Variants in PSG5 observed in about 807,000 individuals in gnomAD.
PSG5 encodes pregnancy specific beta-1-glycoprotein 5.
In PSG5, 53 loss-of-function variants were observed where a neutral mutation model predicts 37.7. The observed-to-expected ratio is 1.41, with a 90% confidence interval of 1.13 to 1.77. PSG5 has a LOEUF of 1.77. Ranked by LOEUF, PSG5 falls within the 40% of genes most tolerant of loss-of-function variation. The probability of loss-of-function intolerance (pLI) is 0.00; values close to 1 mark genes in which losing one functional copy is unlikely to be tolerated. For missense variants in PSG5, 547 were observed against 405.2 expected (o/e 1.35, Z -3.00); for synonymous variants, 221 against 155.4 (o/e 1.42, Z -3.14).
chr19:43,171,088 A>G (rs948253710), intron 4 of PSG5: 13 of 151,440 alleles, frequency 8.6e-5, no homozygotes, highest in African/African-American at 3.2e-4. Context: ...CCACACAATA[A>G]CCCTGTCAGG....
chr19:43,181,763 G>T (rs1279506537), intron 2 of PSG5, among the ~76,000 whole-genome samples: 1 of 151,752 alleles, frequency 6.6e-6, no homozygotes, highest in African/African-American at 2.4e-5. Flanking sequence ...ATCTCTGAGG[G>T]ATTTTAATGA....
At chr19:43,185,242 A>G (rs1420057054) in intron 1 of PSG5, 95 bp from the exon 2 acceptor site, 47 of 1,406,144 alleles carry the variant, frequency 3.3e-5, no homozygotes, top group Non-Finnish European at 4.1e-5. Flanking sequence ...TTCAATCCTC[A>G]GCCTTGAAGA....
At chr19:43,186,287 A>G in intron 1 of PSG5, 55 bp downstream of exon 1, 1 of 1,609,392 alleles carries the variant, frequency 6.2e-7, no homozygotes, top group Non-Finnish European at 8.5e-7. Context: ...CAGGAGACCC[A>G]ATCCAGTCAC....
chr19:43,183,519 A>G (rs528743194), intron 2 of PSG5: 51 of 522,144 alleles, frequency 9.8e-5, no homozygotes, highest in East Asian at 7.8e-4. Context: ...CTTTCATGAC[A>G]GTGACATGGG....
Position 43,175,877 on chromosome 19 carries a change from A to G in PSG5, c.702T>C (p.Asn234=). 1.9e-6 allele frequency: 3 copies of G among 1,612,544 alleles called. No individual in the cohort carries two copies. ...GGAACAAAAGATACTCACAGAGGAC[A>G]TTCAGGGTGACTGGGTCACTGCGCA... ...GGMRSDPVTL[N]VLYGPDLPSI... The change falls in exon 3 of 6, where the codon AAT becomes AAC. Residue 234 remains asparagine, a synonymous_variant. Transcript: ENST00000342951.
intron 4 of PSG5, among the ~76,000 whole-genome samples, chr19:43,171,901 G>T (rs754409510): frequency 4.7e-5 from 7 of 150,200 alleles, no homozygotes; most frequent in Admixed American, 2.7e-4. Flanking sequence ...GAGCCCAGGA[G>T]GTTAAGGCTG....
In PSG5 at chr19:43,186,511, C is replaced by A; in HGVS notation, c.-106G>T. The A allele has an allele frequency of 1.3e-6, 2 of 1,545,698 alleles. No homozygotes were observed. Among genetic ancestry groups the A allele is most frequent in the South Asian group, 1.2e-5 (1 of 82,832 alleles). On this transcript the variant is annotated 5_prime_UTR_variant, in exon 1 of 6. In the 5' UTR this introduces an upstream ATG that the reference lacks. Coordinates refer to ENST00000342951, the MANE Select transcript of PSG5 (RefSeq NM_002781.4). The stretch of plus-strand genomic sequence containing the variant: ...TGTCCTTCCTCCTTCTGTGCTGAGC[C>A]TCTCTCCAGGGCAGGAGCACTTCTC...
chr19:43,175,141 T>C, intron 4 of PSG5, 74 bp downstream of exon 4: 1 of 1,610,170 alleles, frequency 6.2e-7, no homozygotes. Flanking sequence ...TAAAAATGTT[T>C]TCCTAACTCT....
rs762496938 is a variant in PSG5, at chr19:43,170,120, C to T, written c.983G>A (p.Arg328His). 7.7e-5 allele frequency: 122 copies of T among 1,587,894 alleles called. 6 individuals are homozygous for T. In the South Asian group the frequency reaches 1.3e-3, roughly 16 times the overall value. The part of the protein sequence containing the change: ...VEVSAPSGIG[R>H]LPLLNPI ...CTATATTGGATTAAGGAGAGGAAGA[C>T]GTCCTATTCCTGAAGGAGCTGTCAT... The change falls in exon 5 of 6, where the codon CGT becomes CAT. Residue 328 changes from arginine (R) to histidine (H), a missense_variant. Coordinates refer to ENST00000342951, the MANE Select transcript of PSG5 (RefSeq NM_002781.4).
Position 43,175,956 on chromosome 19 carries a change from G to A in PSG5, c.623C>T (p.Thr208Met), listed in dbSNP as rs143191769. Reference protein sequence around the residue: ...ENRILILPSVTRNETGPYECE... With the variant: ...ENRILILPSVMRNETGPYECE... ...TTCATAGGGTCCTGTTTCATTTCTC[G>A]TGACACTGGGTAGAATGAGGATCCT... Residue 208 changes from threonine to methionine, a missense_variant, in exon 3 of 6, where the codon ACG (threonine) becomes ATG (methionine). Thr to Met is a moderately conservative substitution (Grantham distance 81). Coordinates refer to ENST00000342951, the MANE Select transcript of PSG5 (RefSeq NM_002781.4). 3,596 of 1,612,142 alleles carry A rather than the reference G, an allele frequency of 2.2e-3. 174 individuals carry two copies. The African/African-American group carries it at 0.042, about 19-fold the overall frequency.
chr19:43,185,273 C>T, intron 1 of PSG5, 126 bp from the exon 2 acceptor site: 1 of 1,272,246 alleles, frequency 7.9e-7, no homozygotes, highest in Non-Finnish European at 1.1e-6. Context: ...CACAAACACA[C>T]ACACACACAA....
chr19:43,179,870 C>T (rs1969091266), intron 2 of PSG5, among the ~76,000 whole-genome samples: 1 of 150,694 alleles, frequency 6.6e-6, no homozygotes, highest in Admixed American at 6.6e-5. Context: ...TGGACCAAGA[C>T]CATTGTTCCC....
At chr19:43,176,951 A>C (rs1205894812) in intron 2 of PSG5, among the ~76,000 whole-genome samples, 3 of 151,644 alleles carry the variant, frequency 2.0e-5, no homozygotes, top group African/African-American at 7.3e-5. Flanking sequence ...CCAGAAATAC[A>C]TGTGGATGTT....
chr19:43,177,172 G>T (rs1011671569), intron 2 of PSG5, among the ~76,000 whole-genome samples: 1 of 151,602 alleles, frequency 6.6e-6, no homozygotes, highest in Non-Finnish European at 1.5e-5. Flanking sequence ...TATGAGAAGA[G>T]ACTGCTGTTT....
intron 4 of PSG5, chr19:43,170,519 G>A: frequency 2.3e-6 from 1 of 442,038 alleles, no homozygotes; most frequent in African/African-American, 2.1e-5. Flanking sequence ...GGTCTCCATG[G>A]CAGGGAGCTG....
chr19:43,174,893 G>A (rs1043786234), intron 4 of PSG5: 4 of 1,201,506 alleles, frequency 3.3e-6, no homozygotes, highest in Non-Finnish European at 3.4e-6. Flanking sequence ...GGGATGTGTT[G>A]GTGACATCGA....
chr19:43,182,741 ATCTTGCC>A (rs1969156263), intron 2 of PSG5, among the ~76,000 whole-genome samples: 1 of 127,826 alleles, frequency 7.8e-6, no homozygotes, highest in Admixed American at 7.9e-5. Context: ...AGGCCAGAAG[ATCTTGCC>A]TGGCAATTAT....
chr19:43,183,608 C>T (rs1969178996), intron 2 of PSG5: 1 of 365,158 alleles, frequency 2.7e-6, no homozygotes, highest in Non-Finnish European at 5.4e-6. Context: ...ATTTTTTGCA[C>T]TGACTCTGAC....
chr19:43,173,885 G>GA lies in PSG5; in HGVS notation c.964+1329dup, dbSNP rs201682418. Among the ~76,000 whole-genome samples the GA allele has an allele frequency of 1.7e-3, 254 of 150,872 alleles. 2 individuals carry two copies. The highest frequency in any genetic ancestry group is 5.8e-3 in the African/African-American group (236 of 40,948). On this transcript the variant is annotated intron_variant, in intron 4 of 5. Transcript: ENST00000342951. ...TTCTGGACAAACTCCCCATAGAAAT[G>GA]AAAAAAAATTGAACAAATATTTGTA...
Sources: allele counts gnomAD v4.1 joint callset (sites outside exome capture counted in the v4.1 genomes callset), GRCh38; gene constraint gnomAD v4.1.1; transcripts MANE v1.5; gene names NCBI Gene and HGNC (gene_info 2026-07-23, HGNC 2026-07-21).